Variants in TMEM132B observed in about 807,000 individuals in gnomAD.
The protein encoded by TMEM132B is transmembrane protein 132B.
TMEM132B carries 18 observed loss-of-function variants against 90.8 expected under a neutral mutation model. The observed-to-expected ratio is 0.20, with a 90% CI of 0.14 to 0.29. The LOEUF (loss-of-function observed/expected upper bound fraction) is 0.29. Among genes scored for constraint, TMEM132B ranks in the 10% least tolerant of loss-of-function variants. The pLI, the probability that TMEM132B is intolerant of heterozygous loss-of-function variation, is 1.00. For missense variants in TMEM132B, 1,096 were observed against 1,326.8 expected, an observed-to-expected ratio of 0.83 and a Z score of 2.70; for synonymous variants, 504 against 523.3, an observed-to-expected ratio of 0.96 and a Z score of 0.50.
At chr12:125,560,561 G>A (rs1884495775) in intron 4 of TMEM132B, among the ~76,000 whole-genome samples, 2 of 152,180 alleles carry the variant, frequency 1.3e-5, no homozygotes, top group South Asian at 2.1e-4. Context: ...GGTGGCTCAC[G>A]CCTGTAATCC....
intron 2 of TMEM132B, among the ~76,000 whole-genome samples, chr12:125,359,571 A>G (rs1593103538): frequency 6.6e-6 from 1 of 152,368 alleles, no homozygotes; most frequent in African/African-American, 2.4e-5. Context: ...ACAACTAAAG[A>G]CCATGAGCTT....
chr12:125,409,797 AGGAGT>A (rs1168961601), intron 2 of TMEM132B, among the ~76,000 whole-genome samples: 2 of 18,640 alleles, frequency 1.1e-4, no homozygotes, highest in South Asian at 3.9e-3. Flanking sequence ...AGTGGAGTGG[AGGAGT>A]GGAGTGGAGT....
In TMEM132B at chr12:125,186,975, T is replaced by C. The variant is rs996412718; in HGVS notation, c.67+109T>C. 3.3e-5 allele frequency: 5 copies of C among 152,174 alleles called. No homozygotes were observed. Among genetic ancestry groups the C allele is most frequent in the Non-Finnish European group, 7.3e-5 (5 of 68,058 alleles). 9.4% of individuals were successfully genotyped at this position (152,174 alleles called of 1,614,324 possible). On this transcript the variant is annotated intron_variant, in intron 1 of 8. Coordinates refer to ENST00000682704, the MANE Select transcript of TMEM132B (RefSeq NM_001366854.1). This position sits in a 1 kb window ranked among gnomAD's most constrained non-coding sequence, Gnocchi z 6.3. ...CCTGGCAGCGCGCATCTCCCGGACT[T>C]GGACAGACCTGGGGAGACCCTGGGA...
intron 1 of TMEM132B, among the ~76,000 whole-genome samples, chr12:125,205,387 G>A (rs1450509268): frequency 6.6e-6 from 1 of 151,580 alleles, no homozygotes; most frequent in African/African-American, 2.4e-5. Flanking sequence ...AGGGTGCTCA[G>A]CCCTTTCTTA....
rs1876514188 is a variant in TMEM132B, at chr12:125,324,634, GC to G, written c.68-24815del. ...GCGGCAGCATTAGAGCCTCATAGGA[GC>G]CCAAACCCTATTGTGAACTGTGCAT... On this transcript the variant is annotated intron_variant, in intron 1 of 8. Coordinates refer to ENST00000682704, the MANE Select transcript of TMEM132B (RefSeq NM_001366854.1). Among the ~76,000 whole-genome samples, 5 of 152,274 alleles carry G rather than the reference GC, an allele frequency of 3.3e-5. No individual in the cohort carries two copies. In the South Asian group the frequency reaches 1.0e-3, roughly 32 times the overall value.
At chr12:125,346,252 A>G (rs1428551538) in intron 1 of TMEM132B, among the ~76,000 whole-genome samples, 1 of 152,256 alleles carries the variant, frequency 6.6e-6, no homozygotes, top group East Asian at 1.9e-4. Flanking sequence ...ATACCTTCTT[A>G]AAAGATAAAG....
chr12:125,393,054 T>C (rs545542201), intron 2 of TMEM132B, among the ~76,000 whole-genome samples: 66 of 152,270 alleles, frequency 4.3e-4, no homozygotes, highest in Non-Finnish European at 8.5e-4. Flanking sequence ...CTAGAAGCCA[T>C]GTCAGTAAAA....
chr12:125,517,898 G>A (rs2136656074), intron 3 of TMEM132B, among the ~76,000 whole-genome samples: 1 of 152,316 alleles, frequency 6.6e-6, no homozygotes, highest in Middle Eastern at 3.4e-3. Context: ...TGTGGCTGGT[G>A]AGCATTTGAA....
intron 7 of TMEM132B, among the ~76,000 whole-genome samples, chr12:125,652,206 A>G (rs887878713): frequency 3.9e-5 from 6 of 152,256 alleles, no homozygotes; most frequent in South Asian, 2.1e-4. Flanking sequence ...CAGAAAATAT[A>G]CTGCTGTTAT....
At chr12:125,361,030 G>A (rs1416922768) in intron 2 of TMEM132B, among the ~76,000 whole-genome samples, 1 of 152,056 alleles carries the variant, frequency 6.6e-6, no homozygotes, top group East Asian at 1.9e-4. Context: ...AAGCTACCAA[G>A]CCTAGTGCCT....
chr12:125,200,182 G>GT (rs1304497309), intron 1 of TMEM132B, among the ~76,000 whole-genome samples: 1 of 152,142 alleles, frequency 6.6e-6, no homozygotes, highest in Admixed American at 6.5e-5. Context: ...GGGACATGTC[G>GT]TTTTTCTGGG....
chr12:125,435,998 C>G lies in TMEM132B; in HGVS notation c.1106+20321C>G, dbSNP rs147999675. ...CCCCACAGGGAGGTCCTCTGCTTCCCTAACAACAGTCTCCTATGAGCTTTG... is the reference window on the plus strand; with the variant it reads ...CCCCACAGGGAGGTCCTCTGCTTCCGTAACAACAGTCTCCTATGAGCTTTG... On this transcript the variant is annotated intron_variant, in intron 3 of 8. Transcript: ENST00000682704. Among the ~76,000 whole-genome samples, 144 of 152,226 alleles carry G rather than the reference C, an allele frequency of 9.5e-4. 1 individual carries two copies. The highest frequency in any genetic ancestry group is 3.3e-3 in the African/African-American group (138 of 41,538).
At chr12:125,218,769 G>GTTTTTTTTTTTTTTTTTTTT (rs34905706) in intron 1 of TMEM132B, among the ~76,000 whole-genome samples, 1 of 108,854 alleles carries the variant, frequency 9.2e-6, no homozygotes, top group Non-Finnish European at 1.7e-5. Flanking sequence ...TGTTGAAGCT[G>GTTTTTTTTTTTTTTTTTTTT]TTTTTTTTTT....
chr12:125,385,310 CTG>C (rs960651410), intron 2 of TMEM132B, among the ~76,000 whole-genome samples: 62 of 152,096 alleles, frequency 4.1e-4, no homozygotes, highest in African/African-American at 1.4e-3. Context: ...TAAAAAAAAA[CTG>C]TGTGAGAGTT....
intron 2 of TMEM132B, among the ~76,000 whole-genome samples, chr12:125,375,156 C>T (rs1283406416): frequency 1.3e-5 from 2 of 152,204 alleles, no homozygotes; most frequent in African/African-American, 4.8e-5. Context: ...CAAAAAGCAG[C>T]TAACCCTTTC....
intron 2 of TMEM132B, 116 bp downstream of exon 2, chr12:125,350,459 C>A: frequency 1.6e-6 from 2 of 1,260,392 alleles, no homozygotes; most frequent in Non-Finnish European, 2.2e-6. Context: ...ATGAATACAG[C>A]TGGTCATTAA....
chr12:125,540,340 G>A (rs1166713311), intron 4 of TMEM132B, among the ~76,000 whole-genome samples: 1 of 152,136 alleles, frequency 6.6e-6, no homozygotes, highest in Non-Finnish European at 1.5e-5. Flanking sequence ...TGATTGTTTT[G>A]TTCAAGTCTG....
chr12:125,387,811 C>A (rs1191255201), intron 2 of TMEM132B, among the ~76,000 whole-genome samples: 2 of 152,144 alleles, frequency 1.3e-5, no homozygotes, highest in Admixed American at 6.5e-5. Flanking sequence ...ATCCATCCAT[C>A]CATCCTTAAC....
At chr12:125,392,508 C>T (rs1217879542) in intron 2 of TMEM132B, among the ~76,000 whole-genome samples, 1 of 152,212 alleles carries the variant, frequency 6.6e-6, no homozygotes, top group Non-Finnish European at 1.5e-5. Flanking sequence ...TAGAAAGTGG[C>T]AGCACTTGGC....
Sources: allele counts gnomAD v4.1 joint callset (sites outside exome capture counted in the v4.1 genomes callset), GRCh38; gene constraint gnomAD v4.1.1; non-coding constraint Gnocchi (gnomAD v3.1); transcripts MANE v1.5; gene names NCBI Gene and HGNC (gene_info 2026-07-23, HGNC 2026-07-21).